The following RNFT2 variants were observed in gnomAD, a reference collection of about 807,000 sequenced individuals.
RNFT2 encodes the protein E3 ubiquitin-protein ligase RNFT2.
RNFT2 carries 36 observed loss-of-function variants against 53.0 expected under a neutral mutation model. The ratio of observed to expected loss-of-function variants is 0.68; its 90% confidence interval spans 0.52 to 0.90. The LOEUF is 0.90. Among genes scored for constraint, RNFT2 ranks in the 40% least tolerant of loss-of-function variants. The pLI, the probability that RNFT2 is intolerant of heterozygous loss-of-function variation, is 0.00. For missense variants in RNFT2, 514 were observed against 585.6 expected, an observed-to-expected ratio of 0.88 and a Z score of 1.26; for synonymous variants, 260 against 253.2, an observed-to-expected ratio of 1.03 and a Z score of -0.26.
intron 5 of RNFT2, among the ~76,000 whole-genome samples, chr12:116,760,330 C>A (rs918578491): frequency 1.3e-5 from 2 of 152,204 alleles, no homozygotes; most frequent in African/African-American, 4.8e-5. Context: ...AGTCTGCACA[C>A]TGGATTTGCA....
chr12:116,804,440 T>C (rs895136303), intron 7 of RNFT2, among the ~76,000 whole-genome samples: 2 of 152,246 alleles, frequency 1.3e-5, no homozygotes, highest in Admixed American at 6.5e-5. Flanking sequence ...TGTGTAGCTC[T>C]AGTTCTCAGT....
At chr12:116,819,776 G>C in intron 7 of RNFT2, among the ~76,000 whole-genome samples, 1 of 152,106 alleles carries the variant, frequency 6.6e-6, no homozygotes, top group East Asian at 1.9e-4. Context: ...ACATACTGTG[G>C]AGTGCCCTAA....
At chr12:116,740,620 AAC>A in intron 2 of RNFT2, 99 bp downstream of exon 2, 1 of 1,060,228 alleles carries the variant, frequency 9.4e-7, no homozygotes, top group Non-Finnish European at 1.4e-6. Context: ...CCTCCCATGT[AAC>A]ACATGGGGAA....
At chr12:116,775,279 AG>A (rs1356560000) in intron 6 of RNFT2, among the ~76,000 whole-genome samples, 93 of 128,340 alleles carry the variant, frequency 7.2e-4, no homozygotes, top group Non-Finnish European at 1.2e-3. Flanking sequence ...AAAAAAAAAA[AG>A]AGAGAGAGAA....
chr12:116,841,999 T>TACA (rs1182585321), intron 10 of RNFT2, among the ~76,000 whole-genome samples: 1 of 136,998 alleles, frequency 7.3e-6, no homozygotes, highest in African/African-American at 2.7e-5. Flanking sequence ...AGGATCCAGG[T>TACA]ACAACTTAGC....
chr12:116,767,355 A>C (rs1872963274), intron 6 of RNFT2, among the ~76,000 whole-genome samples: 1 of 151,702 alleles, frequency 6.6e-6, no homozygotes, highest in Non-Finnish European at 1.5e-5. Flanking sequence ...AGTAGCTGGT[A>C]CTACAAGTGC....
At chr12:116,848,869 G>T (rs1415433604) in intron 10 of RNFT2, among the ~76,000 whole-genome samples, 1 of 151,964 alleles carries the variant, frequency 6.6e-6, no homozygotes, top group African/African-American at 2.4e-5. Context: ...ACCTAGGCTG[G>T]AGTGCAGTGG....
At chr12:116,821,079 G>A (rs571043945) in intron 7 of RNFT2, among the ~76,000 whole-genome samples, 4 of 152,182 alleles carry the variant, frequency 2.6e-5, no homozygotes, top group East Asian at 3.9e-4. Flanking sequence ...CCTGGTAAGC[G>A]CTTAATACGG....
Position 116,852,588 on chromosome 12 carries a change from C to A in RNFT2, c.*3140C>A. The A allele has an allele frequency of 1.2e-6, 2 of 1,613,176 alleles. No homozygotes were observed. Among genetic ancestry groups the A allele is most frequent in the South Asian group, 1.1e-5 (1 of 90,970 alleles). ...TGTTCTCCCTACCCTGAGGAAAAAC[C>A]AAAGGGAAGCAACAGGAACTTCTGC... On this transcript the variant is annotated 3_prime_UTR_variant, in exon 11 of 11. Transcript: ENST00000257575.
intron 7 of RNFT2, among the ~76,000 whole-genome samples, chr12:116,808,812 A>G (rs940842170): frequency 1.3e-5 from 2 of 152,134 alleles, no homozygotes; most frequent in Non-Finnish European, 2.9e-5. Context: ...CATAGCTGCT[A>G]TTGAAATTCT....
At chr12:116,838,599 C>T (rs1464304421) in intron 10 of RNFT2, among the ~76,000 whole-genome samples, 3 of 152,188 alleles carry the variant, frequency 2.0e-5, no homozygotes, top group Non-Finnish European at 2.9e-5. Context: ...AGGTGACAAA[C>T]GGTATCTCAG....
intron 5 of RNFT2, chr12:116,755,693 G>C: frequency 6.7e-7 from 1 of 1,501,694 alleles, no homozygotes; most frequent in African/African-American, 1.4e-5. Context: ...GACTCTTCCA[G>C]TTTTGCCATG....
intron 7 of RNFT2, among the ~76,000 whole-genome samples, chr12:116,782,390 G>C (rs1470470656): frequency 6.6e-6 from 1 of 151,740 alleles, no homozygotes; most frequent in African/African-American, 2.4e-5. Context: ...AGCTGAGTGT[G>C]GTGACACATG....
At chr12:116,793,210 C>CTTTTT (rs35482097) in intron 7 of RNFT2, among the ~76,000 whole-genome samples, 2 of 120,780 alleles carry the variant, frequency 1.7e-5, no homozygotes, top group East Asian at 2.4e-4. Context: ...ATCCAGATAG[C>CTTTTT]TTTTTTTTTT....
Position 116,741,017 on chromosome 12 carries a change from C to T in RNFT2, c.25-19C>T, listed in dbSNP as rs780038036. ...GGGAGTGTTGGGAGACTCTGGCTCA[C>T]CCATGTGTTGGGTTTTAGGTGTTAA... is the stretch of plus-strand genomic sequence containing the variant. On this transcript the variant is annotated intron_variant, in intron 2 of 10. Transcript: ENST00000257575. 4 of 1,605,784 alleles carry T rather than the reference C, an allele frequency of 2.5e-6. No individual in the cohort carries two copies. The South Asian group carries it at 3.4e-5, about 13-fold the overall frequency.
rs558550594 is a variant in RNFT2 at position 116,776,767 on chromosome 12, T to G, written c.729-2428T>G. Reference sequence around the variant, plus strand: ...GACAGATGGGATTCAGTCTGGCCCTTGCCCAGAGCCTGTAATCCAGTGGGA... The same window carrying G: ...GACAGATGGGATTCAGTCTGGCCCTGGCCCAGAGCCTGTAATCCAGTGGGA... On this transcript the variant is annotated intron_variant, in intron 6 of 10. Transcript: ENST00000257575. Among the ~76,000 whole-genome samples the G allele has an allele frequency of 2.6e-5, 4 of 152,274 alleles. No individual in the cohort carries two copies. The East Asian group carries it at 7.7e-4, about 29-fold the overall frequency.
intron 5 of RNFT2, among the ~76,000 whole-genome samples, chr12:116,757,286 C>T (rs1045346079): frequency 5.3e-5 from 8 of 152,092 alleles, no homozygotes; most frequent in African/African-American, 1.9e-4. Flanking sequence ...CTTCTTGTTT[C>T]GTTTATCTTT....
chr12:116,802,340 G>A (rs1033992878), intron 7 of RNFT2, among the ~76,000 whole-genome samples: 1 of 152,210 alleles, frequency 6.6e-6, no homozygotes, highest in African/African-American at 2.4e-5. Flanking sequence ...TTCAGGAGTC[G>A]GCAAACTACA....
rs1030975810 is a variant in RNFT2 at position 116,788,297 on chromosome 12, TC to T, written c.882+8952del. 2.0e-5 allele frequency among the ~76,000 whole-genome samples: 3 copies of T among 152,192 alleles called. No individual in the cohort carries two copies. In the East Asian group the frequency reaches 5.8e-4, roughly 29 times the overall value. On this transcript the variant is annotated intron_variant, in intron 7 of 10. Coordinates refer to ENST00000257575, the MANE Select transcript of RNFT2 (RefSeq NM_001382266.1). ...CCCTATGTGGTAGATGCTGTTCTTA[TC>T]CCATTTTCCAGATGAGAAAATTGAG...
Sources: gnomAD v4.1 joint callset for allele counts (sites outside exome capture counted in the v4.1 genomes callset) on GRCh38, gnomAD v4.1.1 for gene constraint, MANE v1.5 for transcripts, NCBI Gene and HGNC (gene_info 2026-07-23, HGNC 2026-07-21) for gene names.